EYS: variants seen among roughly 807,000 people sequenced by gnomAD.
The protein encoded by EYS is protein eyes shut homolog.
EYS carries 250 observed loss-of-function variants against 282.1 expected under a neutral mutation model. The observed-to-expected ratio is 0.89, with a 90% CI of 0.80 to 0.98. EYS has a LOEUF of 0.98. EYS is among the 50% of genes least tolerant of loss of function. The probability of loss-of-function intolerance (pLI) is 0.00; values close to 1 mark genes in which losing one functional copy is unlikely to be tolerated. For synonymous variants in EYS, 1,355 were observed against 1,282.9 expected (o/e 1.06, Z -1.20); for missense variants, 4,016 against 3,709.0 (o/e 1.08, Z -2.15).
chr6:65,525,389 G>C (rs1171425512), intron 2 of EYS, among the ~76,000 whole-genome samples: 1 of 152,076 alleles, frequency 6.6e-6, no homozygotes, highest in African/African-American at 2.4e-5. Flanking sequence ...CCTCTTACCA[G>C]ACCTCCTCAA....
intron 19 of EYS, among the ~76,000 whole-genome samples, chr6:64,864,724 T>C (rs9453094): frequency 0.71 from 107,145 of 151,178 alleles, 38,419 homozygotes; most frequent in Admixed American, 0.76. Context: ...AGATTGAGAA[T>C]TTTAAGTTGA....
chr6:64,472,507 A>G (rs1776150050), intron 26 of EYS, among the ~76,000 whole-genome samples: 1 of 152,158 alleles, frequency 6.6e-6, no homozygotes. Flanking sequence ...ATATTTGGCC[A>G]CCTTCAGAAT....
chr6:63,771,008 C>T (rs1286996529), intron 40 of EYS, among the ~76,000 whole-genome samples: 2 of 152,160 alleles, frequency 1.3e-5, no homozygotes, highest in East Asian at 3.8e-4. Context: ...TGAAATGACT[C>T]TTTACATACT....
rs145099033 is a variant in EYS, at chr6:64,330,720, G to A, written c.6079-23638C>T. ...ATTTGGACAAAGGTTAATAATTTGC[G>A]TGCCCCACATGGTCATCACCCTGTT... On this transcript the variant is annotated intron_variant, in intron 29 of 42. Transcript: ENST00000503581. Among the ~76,000 whole-genome samples the A allele has an allele frequency of 4.0e-3, 603 of 152,258 alleles. 2 individuals carry two copies. Among genetic ancestry groups the A allele is most frequent in the African/African-American group, 0.013 (533 of 41,548 alleles).
chr6:65,595,790 G>A (rs962063020), intron 2 of EYS, among the ~76,000 whole-genome samples: 20 of 152,102 alleles, frequency 1.3e-4, no homozygotes, highest in Admixed American at 4.6e-4. Flanking sequence ...TAAGGTGACC[G>A]CCAATGATCT....
intron 36 of EYS, among the ~76,000 whole-genome samples, chr6:63,853,232 C>T (rs1772305333): frequency 6.6e-6 from 1 of 152,142 alleles, no homozygotes; most frequent in Non-Finnish European, 1.5e-5. Flanking sequence ...ATTTAGAAAA[C>T]CCCATCGTCT....
chr6:64,375,917 C>A (rs1474333311), intron 29 of EYS, among the ~76,000 whole-genome samples: 1 of 152,116 alleles, frequency 6.6e-6, no homozygotes, highest in Non-Finnish European at 1.5e-5. Flanking sequence ...ATTGTGTTTT[C>A]TTTCATTTTT....
chr6:63,908,795 T>C (rs1773847346), intron 35 of EYS, among the ~76,000 whole-genome samples: 1 of 152,188 alleles, frequency 6.6e-6, no homozygotes, highest in Non-Finnish European at 1.5e-5. Context: ...TCTATCTAAA[T>C]GGCTATTTTC....
intron 16 of EYS, among the ~76,000 whole-genome samples, chr6:64,908,213 T>C (rs1767888568): frequency 6.6e-6 from 1 of 152,068 alleles, no homozygotes; most frequent in South Asian, 2.1e-4. Flanking sequence ...AGAGCACATA[T>C]GCCAGCAAGT....
intron 34 of EYS, among the ~76,000 whole-genome samples, chr6:63,990,036 T>A (rs1767537453): frequency 6.6e-6 from 1 of 151,560 alleles, no homozygotes; most frequent in African/African-American, 2.4e-5. Context: ...ACAACTAAAC[T>A]TTAGAGAAGC....
chr6:65,518,668 TG>T (rs542981845), intron 2 of EYS, among the ~76,000 whole-genome samples: 22 of 152,142 alleles, frequency 1.4e-4, no homozygotes, highest in Non-Finnish European at 2.4e-4. Flanking sequence ...TAGCAATAAG[TG>T]TATATTAGTA....
At chr6:64,395,850 A>G (rs1340004030) in intron 28 of EYS, among the ~76,000 whole-genome samples, 9 of 152,178 alleles carry the variant, frequency 5.9e-5, no homozygotes, top group African/African-American at 2.2e-4. Flanking sequence ...ACACCTACAT[A>G]GCATCCAACA....
intron 13 of EYS, among the ~76,000 whole-genome samples, chr6:65,039,194 G>A (rs905021425): frequency 6.6e-6 from 1 of 151,490 alleles, no homozygotes; most frequent in African/African-American, 2.4e-5. Context: ...TGTGTATGAT[G>A]TGAGGTAGAA....
In EYS at chr6:64,591,078, A is replaced by G. The variant is rs1216982778; in HGVS notation, c.4789T>C (p.Tyr1597His). Residue 1597 changes from tyrosine to histidine, a missense_variant, in exon 26 of 43, where the codon TAT becomes CAT. Transcript: ENST00000503581. ...WMNSAILASW[Y>H]ALMGAQTITS... is the part of the protein sequence containing the mutation. ...ATAGTTTGAGCTCCCATTAGTGCAT[A>G]CCAGCTGGCTAATATCGCTGAGTTC... The G allele has an allele frequency of 1.9e-6, 3 of 1,551,212 alleles. No homozygotes were observed. The highest frequency in any genetic ancestry group is 4.9e-5 in the East Asian group (2 of 40,914).
chr6:65,038,620 G>C (rs968645135), intron 13 of EYS, among the ~76,000 whole-genome samples: 1 of 151,298 alleles, frequency 6.6e-6, no homozygotes, highest in South Asian at 2.1e-4. Context: ...ATAGGTGTAT[G>C]TTTAATTTTA....
chr6:64,034,404 G>T (rs866060519), intron 33 of EYS, among the ~76,000 whole-genome samples: 17 of 152,152 alleles, frequency 1.1e-4, no homozygotes, highest in Admixed American at 3.3e-4. Context: ...TACAGATAAG[G>T]TAATCAAAAC....
intron 26 of EYS, among the ~76,000 whole-genome samples, chr6:64,538,997 C>A (rs1027954230): frequency 2.0e-5 from 3 of 152,114 alleles, no homozygotes; most frequent in African/African-American, 7.2e-5. Context: ...AAATCAATCA[C>A]CCGAGAATCT....
chr6:64,313,287 T>C, intron 29 of EYS, among the ~76,000 whole-genome samples: 1 of 151,206 alleles, frequency 6.6e-6, no homozygotes, highest in East Asian at 2.0e-4. Flanking sequence ...ATATCAGAGA[T>C]TGAAGATCAA....
At chr6:64,054,408 C>CT (rs1770913886) in intron 33 of EYS, among the ~76,000 whole-genome samples, 1 of 152,194 alleles carries the variant, frequency 6.6e-6, no homozygotes, top group East Asian at 1.9e-4. Context: ...ATGTAGGACT[C>CT]TGTTTGGGAC....
Sources: allele counts gnomAD v4.1 joint callset (sites outside exome capture counted in the v4.1 genomes callset), GRCh38; gene constraint gnomAD v4.1.1; transcripts MANE v1.5; gene names NCBI Gene and HGNC (gene_info 2026-07-23, HGNC 2026-07-21).